Variants in KCNK3 observed in about 807,000 individuals in gnomAD.
KCNK3 encodes potassium channel subfamily K member 3.
In KCNK3, 9 loss-of-function variants were observed where a neutral mutation model predicts 27.3. The observed-to-expected ratio is 0.33, with a 90% confidence interval of 0.20 to 0.57. The LOEUF is 0.57. KCNK3 is among the 20% of genes least tolerant of loss of function. The pLI is 0.87. For missense variants in KCNK3, 391 were observed against 577.7 expected, an observed-to-expected ratio of 0.68 and a Z score of 3.31; for synonymous variants, 278 against 273.8, an observed-to-expected ratio of 1.02 and a Z score of -0.15.
At chr2:26,720,780 G>A (rs1474599440) in intron 1 of KCNK3, among the ~76,000 whole-genome samples, 1 of 152,154 alleles carries the variant, frequency 6.6e-6, no homozygotes, top group Non-Finnish European at 1.5e-5. Context: ...GGAAGGGGCA[G>A]GGCAGAAGAA....
chr2:26,720,823 C>A (rs745497869), intron 1 of KCNK3, among the ~76,000 whole-genome samples: 23 of 152,202 alleles, frequency 1.5e-4, no homozygotes, highest in Non-Finnish European at 3.1e-4. Flanking sequence ...AGCTGTCCTT[C>A]CCAGGAGCTC....
rs1163642798 is a variant in KCNK3, at chr2:26,705,310, G to C, written c.283+12152G>C. On this transcript the variant is annotated intron_variant, in intron 1 of 1. Coordinates refer to ENST00000302909, the MANE Select transcript of KCNK3 (RefSeq NM_002246.3). ...TACAGATGAGAACACTGAGGCTCAG[G>C]GGGGTCAGGGGATGTGTCCAAAGTC... Among the ~76,000 whole-genome samples the C allele has an allele frequency of 2.0e-5, 3 of 152,146 alleles. No homozygotes were observed. The East Asian group carries it at 5.8e-4, about 29-fold the overall frequency.
At chr2:26,711,991 G>C (rs1211965349) in intron 1 of KCNK3, among the ~76,000 whole-genome samples, 1 of 152,156 alleles carries the variant, frequency 6.6e-6, no homozygotes, top group Non-Finnish European at 1.5e-5. Context: ...AGCAAGCTCA[G>C]GACACCAGTG....
chr2:26,712,666 AGT>A (rs4007222), intron 1 of KCNK3, among the ~76,000 whole-genome samples: 113,999 of 145,552 alleles, frequency 0.78, 46,724 homozygotes, highest in Non-Finnish European at 0.9. Context: ...TGGGTGTTGG[AGT>A]GTGTGTGTGT....
Position 26,728,656 on chromosome 2 carries a change from A to C in KCNK3, c.*88A>C. The stretch of plus-strand genomic sequence containing the variant: ...AGACTGCCCCTGCTGCCTTCTGCCC[A>C]GTGGGACCCCGCACAACATCCCTCA... On this transcript the variant is annotated 3_prime_UTR_variant, in exon 2 of 2. Transcript: ENST00000302909. 8.7e-7 allele frequency: 1 copy of C among 1,150,970 alleles called. No individual in the cohort carries two copies. Among genetic ancestry groups the C allele is most frequent in the Non-Finnish European group, 1.2e-6 (1 of 866,970 alleles). The allele number at this position is 1,150,970 out of a possible 1,614,324, so 71.3% of individuals were successfully genotyped here. A position where few individuals can be genotyped will look rare whatever the true frequency, so the allele number is the denominator to read the frequency against.
intron 1 of KCNK3, among the ~76,000 whole-genome samples, chr2:26,726,104 C>CAGAGAG (rs1196440174): frequency 4.8e-4 from 39 of 80,522 alleles, no homozygotes; most frequent in Non-Finnish European, 6.7e-4. Context: ...CACACACACA[C>CAGAGAG]ACAGAGAGAG....
intron 1 of KCNK3, among the ~76,000 whole-genome samples, chr2:26,724,320 G>T (rs1663373488): frequency 6.6e-6 from 1 of 152,246 alleles, no homozygotes; most frequent in East Asian, 1.9e-4. Context: ...TCAGAGCAAC[G>T]CCTGAGGCTG....
At chr2:26,699,075 G>C (rs891401855) in intron 1 of KCNK3, among the ~76,000 whole-genome samples, 2 of 151,936 alleles carry the variant, frequency 1.3e-5, no homozygotes, top group Non-Finnish European at 2.9e-5. Context: ...CTATGCAGGA[G>C]GCTGAGGCAG....
intron 1 of KCNK3, among the ~76,000 whole-genome samples, chr2:26,706,456 G>A (rs1024061144): frequency 1.3e-5 from 2 of 152,162 alleles, no homozygotes; most frequent in Non-Finnish European, 2.9e-5. Context: ...AACAAATCTG[G>A]GGTTGGGGCC....
chr2:26,721,329 C>A lies in KCNK3; in HGVS notation c.284-6338C>A, dbSNP rs1663324591. On this transcript the variant is annotated intron_variant, in intron 1 of 1. Transcript: ENST00000302909. This position sits in a 1 kb window ranked among gnomAD's most constrained non-coding sequence, Gnocchi z 4.3. ...GTTCTCGGGAAAGGCAGTGTCTGAG[C>A]TGCATCTCACAGGAGGAGGGAGAGC... Among the ~76,000 whole-genome samples, 1 of 152,098 alleles carries A rather than the reference C, an allele frequency of 6.6e-6. No individual in the cohort carries two copies. Among genetic ancestry groups the A allele is most frequent in the South Asian group, 2.1e-4 (1 of 4,826 alleles).
At chr2:26,699,201 A>G (rs370715275) in intron 1 of KCNK3, among the ~76,000 whole-genome samples, 1 of 83,618 alleles carries the variant, frequency 1.2e-5, no homozygotes, top group Non-Finnish European at 2.6e-5. Flanking sequence ...AAAGGAAGGA[A>G]AGAGAGAGAA....
At chr2:26,697,302 C>A (rs1220387109) in intron 1 of KCNK3, among the ~76,000 whole-genome samples, 1 of 152,156 alleles carries the variant, frequency 6.6e-6, no homozygotes, top group East Asian at 1.9e-4. Context: ...GCCAGGAGGT[C>A]CAGACCAGCC....
intron 1 of KCNK3, among the ~76,000 whole-genome samples, chr2:26,714,838 A>G (rs1395192348): frequency 6.6e-6 from 1 of 152,072 alleles, no homozygotes; most frequent in African/African-American, 2.4e-5. Flanking sequence ...GTGAGCCGAG[A>G]TCATGCCACT....
chr2:26,703,823 C>T (rs6731071), intron 1 of KCNK3, among the ~76,000 whole-genome samples: 1 of 152,178 alleles, frequency 6.6e-6, no homozygotes, highest in Admixed American at 6.5e-5. Context: ...TTGAACAATG[C>T]GTGAGGACTT....
intron 1 of KCNK3, among the ~76,000 whole-genome samples, chr2:26,720,832 T>C (rs1663315703): frequency 1.3e-5 from 2 of 152,162 alleles, no homozygotes; most frequent in South Asian, 4.1e-4. Flanking sequence ...TCCCAGGAGC[T>C]CTGGCCTGAA....
chr2:26,714,681 T>A (rs925423699), intron 1 of KCNK3, among the ~76,000 whole-genome samples: 4 of 150,502 alleles, frequency 2.7e-5, no homozygotes, highest in African/African-American at 4.9e-5. Flanking sequence ...AGGTCAGGAG[T>A]TCGAGACCAG....
chr2:26,693,219 T>G lies in KCNK3; in HGVS notation c.283+61T>G. 27 of 308,492 alleles carry G rather than the reference T, an allele frequency of 8.8e-5. No individual in the cohort carries two copies. Among genetic ancestry groups the G allele is most frequent in the Non-Finnish European group, 1.3e-4 (24 of 178,920 alleles). 19.1% of individuals were successfully genotyped at this position (308,492 alleles called of 1,614,324 possible). A position where few individuals can be genotyped will look rare whatever the true frequency, so the allele number is the denominator to read the frequency against. ...GCTGGGCGCGGGGCTCCGGGAGTCG[T>G]CCGGGGCCGGCTGGGGCTGGGGGCG... On this transcript the variant is annotated intron_variant, in intron 1 of 1. Transcript: ENST00000302909. The surrounding 1 kb of genome is among the most constrained non-coding windows in gnomAD (Gnocchi z 5.5).
At chr2:26,702,624 G>A (rs1455008664) in intron 1 of KCNK3, among the ~76,000 whole-genome samples, 1 of 152,194 alleles carries the variant, frequency 6.6e-6, no homozygotes, top group Non-Finnish European at 1.5e-5. Context: ...TCAAGAGGTA[G>A]TGAGCTTCCC....
chr2:26,695,792 G>A (rs1670227524), intron 1 of KCNK3, among the ~76,000 whole-genome samples: 1 of 152,318 alleles, frequency 6.6e-6, no homozygotes, highest in African/African-American at 2.4e-5. Flanking sequence ...CATGGGGGGA[G>A]AGGCAGACAG....
Sources: gnomAD v4.1 joint callset for allele counts (sites outside exome capture counted in the v4.1 genomes callset) on GRCh38, gnomAD v4.1.1 for gene constraint, Gnocchi (gnomAD v3.1) non-coding constraint, MANE v1.5 for transcripts, NCBI Gene and HGNC (gene_info 2026-07-23, HGNC 2026-07-21) for gene names.